USP25: variants seen among roughly 807,000 people sequenced by gnomAD.
USP25 encodes the protein ubiquitin carboxyl-terminal hydrolase 25.
USP25 carries 85 observed loss-of-function variants against 158.5 expected under a neutral mutation model. The observed-to-expected ratio is 0.54, with a 90% confidence interval of 0.45 to 0.64. The LOEUF (loss-of-function observed/expected upper bound fraction) is 0.64. Among genes scored for constraint, USP25 ranks in the 30% least tolerant of loss-of-function variants. The pLI is 0.00. For synonymous variants in USP25, 464 were observed against 460.4 expected, an observed-to-expected ratio of 1.01 and a Z score of -0.10; for missense variants, 1,242 against 1,327.3, an observed-to-expected ratio of 0.94 and a Z score of 1.00.
intron 8 of USP25, 44 bp downstream of exon 8, chr21:15,808,929 T>C: frequency 7.5e-7 from 1 of 1,338,846 alleles, no homozygotes; most frequent in Middle Eastern, 1.8e-4. Context: ...AGGAATTCAT[T>C]AGATAGCATG....
chr21:15,843,344 T>C lies in USP25; in HGVS notation c.2337+804T>C, dbSNP rs1319943258. Among the ~76,000 whole-genome samples the C allele has an allele frequency of 6.6e-6, 1 of 152,206 alleles. No individual in the cohort carries two copies. The highest frequency in any genetic ancestry group is 2.4e-5 in the African/African-American group (1 of 41,456). ...TGACAACTAAAAAGAGTACGACATA[T>C]CATAATTTTACAACACGTAATTTTC... On this transcript the variant is annotated intron_variant, in intron 18 of 25. Coordinates refer to ENST00000400183, the MANE Select transcript of USP25 (RefSeq NM_001283041.3). This position sits in a 1 kb window ranked among gnomAD's most constrained non-coding sequence, Gnocchi z 4.0.
chr21:15,835,143 G>A (rs2038001140), intron 17 of USP25, among the ~76,000 whole-genome samples: 1 of 152,154 alleles, frequency 6.6e-6, no homozygotes, highest in Admixed American at 6.5e-5. Context: ...ATTAGTGGGA[G>A]GAAGGGGCTG....
At chr21:15,867,504 A>G (rs773402132) in intron 22 of USP25, among the ~76,000 whole-genome samples, 14 of 152,180 alleles carry the variant, frequency 9.2e-5, no homozygotes, top group Non-Finnish European at 1.5e-4. Context: ...AATTGTGAGC[A>G]CTGAAAGCTT....
chr21:15,809,856 TG>T (rs2036570945), intron 8 of USP25, among the ~76,000 whole-genome samples: 1 of 152,134 alleles, frequency 6.6e-6, no homozygotes, highest in African/African-American at 2.4e-5. Flanking sequence ...TGGTGTAACA[TG>T]ACCCCTTGAA....
In USP25 at chr21:15,878,118, C is replaced by T. The variant is rs187470937; in HGVS notation, c.3205+127C>T. ...TTAAGTATTAATATTTTCACATTCACATGATTACTCTTTTTCCATATTGAT... is the reference window on the plus strand; with the variant it reads ...TTAAGTATTAATATTTTCACATTCATATGATTACTCTTTTTCCATATTGAT... On this transcript the variant is annotated intron_variant, in intron 25 of 25. Coordinates refer to ENST00000400183, the MANE Select transcript of USP25 (RefSeq NM_001283041.3). The T allele has an allele frequency of 1.6e-3, 1,666 of 1,030,862 alleles. 23 individuals carry two copies. Among genetic ancestry groups the T allele is most frequent in the Non-Finnish European group, 1.7e-4 (126 of 730,244 alleles). 63.9% of individuals were successfully genotyped at this position (1,030,862 alleles called of 1,614,324 possible).
At chr21:15,742,634 G>C (rs751166026) in intron 1 of USP25, among the ~76,000 whole-genome samples, 15 of 152,154 alleles carry the variant, frequency 9.9e-5, no homozygotes, top group Non-Finnish European at 1.5e-4. Context: ...CAGAGCTGAG[G>C]ATGAGCACAG....
At chr21:15,787,997 G>A (rs990535187) in intron 4 of USP25, among the ~76,000 whole-genome samples, 2 of 148,084 alleles carry the variant, frequency 1.4e-5, no homozygotes, top group South Asian at 4.2e-4. Context: ...CGTAGTGTGT[G>A]GAAGGAAAAG....
chr21:15,805,019 G>T, intron 6 of USP25, 102 bp from the exon 7 acceptor site: 1 of 1,202,300 alleles, frequency 8.3e-7, no homozygotes, highest in Admixed American at 3.2e-5. Flanking sequence ...AACTATATTG[G>T]CTAGTTTAAT....
At chr21:15,750,808 G>T (rs1291443346) in intron 1 of USP25, among the ~76,000 whole-genome samples, 1 of 151,492 alleles carries the variant, frequency 6.6e-6, no homozygotes, top group Non-Finnish European at 1.5e-5. Context: ...GGGTTTCACC[G>T]TGTTAGCCAG....
chr21:15,872,557 CAACTT>C (rs1021040838), intron 23 of USP25, among the ~76,000 whole-genome samples: 2 of 152,166 alleles, frequency 1.3e-5, no homozygotes, highest in African/African-American at 2.4e-5. Flanking sequence ...TGTTGTAAAA[CAACTT>C]TTAATATTAT....
In USP25 at chr21:15,816,139, AG is replaced by A. The variant is rs1438429474; in HGVS notation, c.932-2558del. On this transcript the variant is annotated intron_variant, in intron 9 of 25. Transcript: ENST00000400183. This position sits in a 1 kb window ranked among gnomAD's most constrained non-coding sequence, Gnocchi z 4.0. Reference sequence around the variant, plus strand: ...GGAGGTAACTGAATCATGGTGGGGCAGTCTTTCCTGTGCTATTCTCATGATA... The same window carrying A: ...GGAGGTAACTGAATCATGGTGGGGCATCTTTCCTGTGCTATTCTCATGATA... 6.6e-6 allele frequency among the ~76,000 whole-genome samples: 1 copy of A among 152,170 alleles called. No homozygotes were observed. The highest frequency in any genetic ancestry group is 1.5e-5 in the Non-Finnish European group (1 of 68,016).
At chr21:15,751,540 A>G (rs2033014312) in intron 1 of USP25, among the ~76,000 whole-genome samples, 1 of 152,224 alleles carries the variant, frequency 6.6e-6, no homozygotes, top group South Asian at 2.1e-4. Context: ...ATTTAATTGG[A>G]CAAGAGAGCT....
chr21:15,748,763 A>T (rs2032765900), intron 1 of USP25, among the ~76,000 whole-genome samples: 1 of 152,178 alleles, frequency 6.6e-6, no homozygotes, highest in Admixed American at 6.5e-5. Flanking sequence ...CAGAATAAAA[A>T]GGTTAGCTTA....
intron 24 of USP25, chr21:15,876,081 G>A (rs2040085766): frequency 6.6e-6 from 1 of 152,164 alleles, no homozygotes; most frequent in South Asian, 2.1e-4. Flanking sequence ...AAGAGTCAAA[G>A]CTGCCAAACT....
chr21:15,833,227 A>T, intron 16 of USP25, 121 bp from the exon 17 acceptor site: 1 of 900,570 alleles, frequency 1.1e-6, no homozygotes. Flanking sequence ...CTTAAGTAAT[A>T]TGATTGGCTG....
At chr21:15,819,438 A>G (rs1433966592) in intron 10 of USP25, among the ~76,000 whole-genome samples, 1 of 152,104 alleles carries the variant, frequency 6.6e-6, no homozygotes, top group Non-Finnish European at 1.5e-5. Flanking sequence ...CCATGCATTC[A>G]TCTGTCAGGG....
At chr21:15,863,414 C>G (rs2039516942) in intron 20 of USP25, among the ~76,000 whole-genome samples, 1 of 151,876 alleles carries the variant, frequency 6.6e-6, no homozygotes, top group South Asian at 2.1e-4. Flanking sequence ...AATTATAACC[C>G]CGGGGCTTGA....
Position 15,766,111 on chromosome 21 carries a change from T to TA in USP25, c.239dup (p.Tyr80Ter), listed in dbSNP as rs1371741108. 2 of 1,607,384 alleles carry TA rather than the reference T, an allele frequency of 1.2e-6. No individual in the cohort carries two copies. The highest frequency in any genetic ancestry group is 1.7e-6 in the Non-Finnish European group (2 of 1,177,356). Residue 80 changes from tyrosine to a stop codon, truncating the protein, a stop_gained and frameshift_variant, in exon 3 of 26, where the codon TAC becomes TAAC. Transcript: ENST00000400183. LOFTEE classifies it high-confidence loss of function. This position sits in a 1 kb window ranked among gnomAD's most constrained non-coding sequence, Gnocchi z 4.0. ...YQTALPGNDR[Y>*]ISVGSQADTN... is the part of the protein sequence containing the mutation. The stretch of plus-strand genomic sequence containing the variant: ...AACAGCACTTCCTGGCAATGATAGA[T>TA]ACATCAGTGTGGGAAGCCAAGCAGA...
At chr21:15,730,976 G>GTTTTTTTTTTTTTTTTTTT (rs748732727) in intron 1 of USP25, among the ~76,000 whole-genome samples, 3 of 53,648 alleles carry the variant, frequency 5.6e-5, no homozygotes, top group African/African-American at 2.1e-4. Context: ...CTTCTTTTCT[G>GTTTTTTTTTTTTTTTTTTT]TTTTTTTTTT....
Sources: gnomAD v4.1 joint callset for allele counts (sites outside exome capture counted in the v4.1 genomes callset) on GRCh38, gnomAD v4.1.1 for gene constraint, Gnocchi (gnomAD v3.1) non-coding constraint, MANE v1.5 for transcripts, NCBI Gene and HGNC (gene_info 2026-07-23, HGNC 2026-07-21) for gene names.